PLCL1: variants seen among roughly 807,000 people sequenced by gnomAD.
The protein encoded by PLCL1 is phospholipase C like 1 (inactive).
Under a neutral mutation model 84.4 loss-of-function variants are expected in PLCL1, and 41 were observed. The ratio of observed to expected loss-of-function variants is 0.49; its 90% confidence interval spans 0.38 to 0.63. PLCL1 has a LOEUF of 0.63. Among genes scored for constraint, PLCL1 ranks in the 30% least tolerant of loss-of-function variants. The pLI, the probability that PLCL1 is intolerant of heterozygous loss-of-function variation, is 0.00. For synonymous variants in PLCL1, 490 were observed against 488.3 expected (o/e 1.00, Z -0.05); for missense variants, 1,206 against 1,367.8 (o/e 0.88, Z 1.87).
At chr2:197,953,781 A>G (rs1689433501) in intron 1 of PLCL1, among the ~76,000 whole-genome samples, 1 of 152,000 alleles carries the variant, frequency 6.6e-6, no homozygotes, top group Admixed American at 6.6e-5. Context: ...ACATCTAAGG[A>G]TCAACATTTT....
chr2:198,024,758 A>G (rs113147324), intron 1 of PLCL1, among the ~76,000 whole-genome samples: 4 of 141,876 alleles, frequency 2.8e-5, no homozygotes, highest in African/African-American at 7.9e-5. Context: ...AGCGAAATCT[A>G]TCTCAAAAAA....
intron 1 of PLCL1, among the ~76,000 whole-genome samples, chr2:197,866,424 A>G (rs1687546194): frequency 6.6e-6 from 1 of 151,900 alleles, no homozygotes; most frequent in Admixed American, 6.6e-5. Flanking sequence ...CTAGTGGATA[A>G]ACAAGAATAG....
intron 1 of PLCL1, among the ~76,000 whole-genome samples, chr2:197,900,993 A>G (rs547828740): frequency 6.6e-6 from 1 of 152,320 alleles, no homozygotes; most frequent in East Asian, 1.9e-4. Flanking sequence ...GGATTTTGAA[A>G]AAAATCTCTA....
chr2:197,891,239 T>C (rs1375068111), intron 1 of PLCL1, among the ~76,000 whole-genome samples: 1 of 152,144 alleles, frequency 6.6e-6, no homozygotes, highest in Non-Finnish European at 1.5e-5. Context: ...CAGAGCCACA[T>C]ATAGGCCCAT....
chr2:198,112,121 T>C (rs1381181322), intron 5 of PLCL1, among the ~76,000 whole-genome samples: 6 of 151,946 alleles, frequency 3.9e-5, no homozygotes, highest in Admixed American at 3.9e-4. Context: ...CCAAGTGGTA[T>C]AACTAGTTCC....
chr2:198,034,127 T>C (rs1266512414), intron 1 of PLCL1, among the ~76,000 whole-genome samples: 1 of 152,132 alleles, frequency 6.6e-6, no homozygotes, highest in Non-Finnish European at 1.5e-5. Context: ...GTATATCTCC[T>C]AAAGCTATCC....
chr2:197,900,584 A>C (rs559033510), intron 1 of PLCL1, among the ~76,000 whole-genome samples: 134 of 152,330 alleles, frequency 8.8e-4, no homozygotes, highest in African/African-American at 2.7e-3. Context: ...TCATTGTCTA[A>C]CTTAGCCCTA....
At chr2:198,042,947 G>A (rs938057457) in intron 1 of PLCL1, among the ~76,000 whole-genome samples, 7 of 152,168 alleles carry the variant, frequency 4.6e-5, no homozygotes, top group African/African-American at 1.4e-4. Context: ...ATCAAGAAAG[G>A]TGAGGAATGA....
At chr2:198,047,845 T>C (rs144785162) in intron 1 of PLCL1, among the ~76,000 whole-genome samples, 1 of 152,134 alleles carries the variant, frequency 6.6e-6, no homozygotes, top group East Asian at 1.9e-4. Flanking sequence ...AAGAGTGGAG[T>C]GTTTCTGCTC....
chr2:197,986,094 C>G (rs561817114), intron 1 of PLCL1, among the ~76,000 whole-genome samples: 27 of 152,298 alleles, frequency 1.8e-4, no homozygotes, highest in African/African-American at 6.5e-4. Context: ...CCTTTATCAG[C>G]CTACAGCTAT....
In PLCL1 at chr2:197,898,275, C is replaced by T. The variant is rs116437929; in HGVS notation, c.240+92936C>T. On this transcript the variant is annotated intron_variant, in intron 1 of 5. Coordinates refer to ENST00000428675, the MANE Select transcript of PLCL1 (RefSeq NM_006226.4). ...CTTAACTATGCCATGAGGTAGGTTA[C>T]TGGGCTCAAGGGTCTTGATAGATCA... 6.7e-3 allele frequency among the ~76,000 whole-genome samples: 1,025 copies of T among 152,264 alleles called. 15 individuals are homozygous for T. Among genetic ancestry groups the T allele is most frequent in the African/African-American group, 0.023 (961 of 41,544 alleles).
intron 1 of PLCL1, among the ~76,000 whole-genome samples, chr2:197,859,678 A>G (rs1207874919): frequency 1.3e-5 from 2 of 152,176 alleles, no homozygotes; most frequent in Non-Finnish European, 2.9e-5. Flanking sequence ...CTATGATTAG[A>G]TACACAAATA....
At chr2:198,031,285 T>C (rs1333643045) in intron 1 of PLCL1, among the ~76,000 whole-genome samples, 1 of 151,850 alleles carries the variant, frequency 6.6e-6, no homozygotes, top group East Asian at 1.9e-4. Flanking sequence ...TGAGGATTGC[T>C]TGAACCCAAG....
At chr2:197,973,531 A>G (rs940034447) in intron 1 of PLCL1, among the ~76,000 whole-genome samples, 1 of 152,260 alleles carries the variant, frequency 6.6e-6, no homozygotes, top group African/African-American at 2.4e-5. Context: ...ATGACTAGGT[A>G]CTAATTAAAA....
At chr2:197,976,566 A>T (rs1190934825) in intron 1 of PLCL1, among the ~76,000 whole-genome samples, 1 of 152,048 alleles carries the variant, frequency 6.6e-6, no homozygotes, top group Non-Finnish European at 1.5e-5. Context: ...CTCCTGCCTC[A>T]GCCTCCTGAG....
chr2:198,147,795 G>A lies in PLCL1; in HGVS notation c.*833G>A, dbSNP rs887695478. ...GACAATAATATTGTTGTATAATTTCGAGATTTGTAGGAAGGTCTCATTCTT... is the reference window on the plus strand; with the variant it reads ...GACAATAATATTGTTGTATAATTTCAAGATTTGTAGGAAGGTCTCATTCTT... On this transcript the variant is annotated 3_prime_UTR_variant, in exon 6 of 6. Transcript: ENST00000428675. 9.2e-5 allele frequency: 14 copies of A among 152,342 alleles called. No homozygotes were observed. Among genetic ancestry groups the A allele is most frequent in the South Asian group, 6.2e-4 (3 of 4,824 alleles). The allele number at this position is 152,342 out of a possible 1,614,324, so 9.4% of individuals were successfully genotyped here.
At chr2:197,950,431 T>C (rs1407617375) in intron 1 of PLCL1, among the ~76,000 whole-genome samples, 3 of 152,150 alleles carry the variant, frequency 2.0e-5, no homozygotes, top group Non-Finnish European at 4.4e-5. Context: ...ATTGTTTTCC[T>C]GAGCATAAGC....
At chr2:198,082,551 C>G (rs1692742823) in intron 1 of PLCL1, among the ~76,000 whole-genome samples, 1 of 152,156 alleles carries the variant, frequency 6.6e-6, no homozygotes, top group Non-Finnish European at 1.5e-5. Flanking sequence ...TGCATTACGA[C>G]TCTTTTGGAA....
intron 1 of PLCL1, among the ~76,000 whole-genome samples, chr2:197,880,182 T>C (rs1338362208): frequency 6.6e-6 from 1 of 152,178 alleles, no homozygotes; most frequent in African/African-American, 2.4e-5. Context: ...AAATCACTTT[T>C]GGCAGTGCTT....
Sources: gnomAD v4.1 joint callset for allele counts (sites outside exome capture counted in the v4.1 genomes callset) on GRCh38, gnomAD v4.1.1 for gene constraint, MANE v1.5 for transcripts, NCBI Gene and HGNC (gene_info 2026-07-23, HGNC 2026-07-21) for gene names.